ZNF654: variants seen among roughly 807,000 people sequenced by gnomAD.
ZNF654 encodes melanoma-associated antigen.
In ZNF654, 19 loss-of-function variants were observed where a neutral mutation model predicts 95.3. That is an observed-to-expected ratio of 0.20 (90% CI 0.14 to 0.29). The LOEUF (loss-of-function observed/expected upper bound fraction) is 0.29. Among genes scored for constraint, ZNF654 ranks in the 10% least tolerant of loss-of-function variants. The pLI, the probability that ZNF654 is intolerant of heterozygous loss-of-function variation, is 1.00. For synonymous variants in ZNF654, 413 were observed against 457.9 expected (o/e 0.90, Z 1.25); for missense variants, 1,046 against 1,341.0 (o/e 0.78, Z 3.44).
intron 2 of ZNF654, among the ~76,000 whole-genome samples, chr3:88,099,271 C>G (rs1704253877): frequency 6.6e-6 from 1 of 152,072 alleles, no homozygotes; most frequent in Non-Finnish European, 1.5e-5. Flanking sequence ...ATCCAACTTA[C>G]AAGGGATGTG....
At chr3:88,085,974 T>C (rs1708317827) in intron 1 of ZNF654, among the ~76,000 whole-genome samples, 1 of 152,152 alleles carries the variant, frequency 6.6e-6, no homozygotes, top group Admixed American at 6.6e-5. Context: ...AAAAGCTGGA[T>C]ATAGGAGGTA....
chr3:88,137,623 G>A (rs1265181971), intron 7 of ZNF654, among the ~76,000 whole-genome samples: 1 of 152,116 alleles, frequency 6.6e-6, no homozygotes, highest in Non-Finnish European at 1.5e-5. Flanking sequence ...AAAGAATGGG[G>A]AATTTTAACT....
At chr3:88,077,306 A>G (rs967739436) in intron 1 of ZNF654, among the ~76,000 whole-genome samples, 2 of 152,108 alleles carry the variant, frequency 1.3e-5, no homozygotes, top group Non-Finnish European at 2.9e-5. Flanking sequence ...GTAGTTACAA[A>G]AAAGAGAAAA....
chr3:88,065,971 C>T (rs889192923), intron 1 of ZNF654, among the ~76,000 whole-genome samples: 19 of 152,082 alleles, frequency 1.2e-4, no homozygotes, highest in Non-Finnish European at 2.5e-4. Flanking sequence ...TGAGGTCAAG[C>T]GAGTCACCCA....
intron 7 of ZNF654, among the ~76,000 whole-genome samples, chr3:88,135,963 C>T (rs1706757838): frequency 2.6e-5 from 4 of 151,992 alleles, no homozygotes; most frequent in Admixed American, 2.6e-4. Flanking sequence ...TTATTACATT[C>T]ATTATCACAT....
intron 3 of ZNF654, among the ~76,000 whole-genome samples, chr3:88,123,750 G>C (rs1333765896): frequency 6.6e-6 from 1 of 152,148 alleles, no homozygotes; most frequent in Non-Finnish European, 1.5e-5. Context: ...GATTGTCCCA[G>C]GACTGAGCAG....
Position 88,096,652 on chromosome 3 carries a change from G to C in ZNF654, c.332+10250G>C, listed in dbSNP as rs567773940. Among the ~76,000 whole-genome samples the C allele has an allele frequency of 2.0e-5, 3 of 152,066 alleles. No individual in the cohort carries two copies. In the South Asian group the frequency reaches 6.2e-4, roughly 32 times the overall value. On this transcript the variant is annotated intron_variant, in intron 2 of 8. Transcript: ENST00000636215. ...TGATGAAAAATCTGCTTTTTATCTGGTTCCATGTATATAATGTACCCTTTT... is the reference window on the plus strand; with the variant it reads ...TGATGAAAAATCTGCTTTTTATCTGCTTCCATGTATATAATGTACCCTTTT...
At chr3:88,073,695 G>T (rs925721125) in intron 1 of ZNF654, among the ~76,000 whole-genome samples, 10 of 152,146 alleles carry the variant, frequency 6.6e-5, no homozygotes, top group Non-Finnish European at 8.8e-5. Context: ...AATAATTAAG[G>T]TATCTAAATG....
At position 88,094,361 on chromosome 3, in the gene ZNF654, G is replaced by A. The variant is rs1275454190; in HGVS notation, c.332+7959G>A. Among the ~76,000 whole-genome samples, 10 of 152,096 alleles carry A rather than the reference G, an allele frequency of 6.6e-5. No homozygotes were observed. The East Asian group carries it at 1.9e-3, about 29-fold the overall frequency. ...TTTATTGCTCCTTTTATTGATTTTGGAGTAAAGTGGTTGGGACTATAGTTG... is the reference window on the plus strand; with the variant it reads ...TTTATTGCTCCTTTTATTGATTTTGAAGTAAAGTGGTTGGGACTATAGTTG... On this transcript the variant is annotated intron_variant, in intron 2 of 8. Coordinates refer to ENST00000636215, the MANE Select transcript of ZNF654 (RefSeq NM_001350134.2).
intron 2 of ZNF654, among the ~76,000 whole-genome samples, chr3:88,111,758 A>C (rs1355147018): frequency 6.6e-6 from 1 of 152,004 alleles, no homozygotes; most frequent in Non-Finnish European, 1.5e-5. Context: ...AATTGTGATG[A>C]GTATAGGAAC....
rs1438046492 is a variant in ZNF654, at chr3:88,142,904, T to G, written c.*1252T>G. On this transcript the variant is annotated 3_prime_UTR_variant, in exon 9 of 9. Transcript: ENST00000636215. ...AATAAAGTGTTAAAACAATAAATATTTTTAAAAATACCCTCTCAGATGTTT... is the reference window on the plus strand; with the variant it reads ...AATAAAGTGTTAAAACAATAAATATGTTTAAAAATACCCTCTCAGATGTTT... 1 of 152,274 alleles carries G rather than the reference T, an allele frequency of 6.6e-6. No individual in the cohort carries two copies. The highest frequency in any genetic ancestry group is 1.5e-5 in the Non-Finnish European group (1 of 67,792). 9.4% of individuals were successfully genotyped at this position (152,274 alleles called of 1,614,324 possible). A position where few individuals can be genotyped will look rare whatever the true frequency, so the allele number is the denominator to read the frequency against.
intron 2 of ZNF654, among the ~76,000 whole-genome samples, chr3:88,087,955 A>T (rs2107667573): frequency 6.6e-6 from 1 of 152,306 alleles, no homozygotes; most frequent in South Asian, 2.1e-4. Context: ...CGCTCATTGG[A>T]ACGTTACAGA....
chr3:88,080,157 G>T (rs562611126), intron 1 of ZNF654, among the ~76,000 whole-genome samples: 1 of 152,026 alleles, frequency 6.6e-6, no homozygotes, highest in Non-Finnish European at 1.5e-5. Context: ...TGCATTGTTT[G>T]TCAGATGAGC....
At chr3:88,131,511 A>C (rs73132546) in intron 6 of ZNF654, among the ~76,000 whole-genome samples, 11,966 of 152,242 alleles carry the variant, frequency 0.079, 529 homozygotes, top group Non-Finnish European at 0.1. Context: ...AGAAACAAGT[A>C]TACACAAACA....
chr3:88,062,600 A>AT (rs1706948236), intron 1 of ZNF654, among the ~76,000 whole-genome samples: 2 of 152,186 alleles, frequency 1.3e-5, no homozygotes, highest in African/African-American at 4.8e-5. Flanking sequence ...AATACACTGA[A>AT]TTTTTTGTCA....
At chr3:88,098,516 G>C (rs1209829413) in intron 2 of ZNF654, among the ~76,000 whole-genome samples, 1 of 152,142 alleles carries the variant, frequency 6.6e-6, no homozygotes, top group Non-Finnish European at 1.5e-5. Flanking sequence ...AAGCCTGGCA[G>C]AGACACAACA....
intron 3 of ZNF654, among the ~76,000 whole-genome samples, chr3:88,119,411 A>AGGGGGGC (rs1705629599): frequency 2.7e-5 from 1 of 37,234 alleles, no homozygotes; most frequent in Non-Finnish European, 5.1e-5. Context: ...GGGAGGGGGG[A>AGGGGGGC]GGGATAGCAT....
At chr3:88,111,422 C>T (rs1215240947) in intron 2 of ZNF654, among the ~76,000 whole-genome samples, 2 of 151,826 alleles carry the variant, frequency 1.3e-5, no homozygotes, top group Non-Finnish European at 2.9e-5. Context: ...CCCCTCACCT[C>T]CATTCCCATT....
intron 1 of ZNF654, among the ~76,000 whole-genome samples, chr3:88,079,690 G>A (rs1193996526): frequency 6.6e-6 from 1 of 151,908 alleles, no homozygotes; most frequent in East Asian, 1.9e-4. Flanking sequence ...CCTTTTAACA[G>A]TATGATTGTA....
Sources: gnomAD v4.1 joint callset for allele counts (sites outside exome capture counted in the v4.1 genomes callset) on GRCh38, gnomAD v4.1.1 for gene constraint, MANE v1.5 for transcripts, NCBI Gene and HGNC (gene_info 2026-07-23, HGNC 2026-07-21) for gene names.